FAM13C: variants seen among roughly 807,000 people sequenced by gnomAD.
FAM13C encodes the protein protein FAM13C.
FAM13C carries 37 observed loss-of-function variants against 73.2 expected under a neutral mutation model. That is an observed-to-expected ratio of 0.51 (90% confidence interval 0.39 to 0.67). The LOEUF (loss-of-function observed/expected upper bound fraction) is 0.67. Ranked by LOEUF, FAM13C falls within the 30% of genes least tolerant of loss-of-function variation. The pLI, the probability that FAM13C is intolerant of heterozygous loss-of-function variation, is 0.00. For missense variants in FAM13C, 589 were observed against 715.6 expected (o/e 0.82, Z 2.02); for synonymous variants, 246 against 260.9 (o/e 0.94, Z 0.55).
intron 7 of FAM13C, 102 bp downstream of exon 7, chr10:59,269,793 TAGGC>T: frequency 3.0e-6 from 4 of 1,329,320 alleles, no homozygotes; most frequent in Non-Finnish European, 4.2e-6. Context: ...GCAGTTGCGT[TAGGC>T]AGGCACATTT....
At position 59,334,507 on chromosome 10, in the gene FAM13C, C is replaced by A. The variant is rs7906698; in HGVS notation, c.325-10401G>T. ...ATAATAGCAAAGACTTGGAACCAAGCCAAATGTCCAACAATGATAGACTGG... is the reference window on the plus strand; with the variant it reads ...ATAATAGCAAAGACTTGGAACCAAGACAAATGTCCAACAATGATAGACTGG... On this transcript the variant is annotated intron_variant, in intron 3 of 13. Transcript: ENST00000618804. Among the ~76,000 whole-genome samples, 601 of 152,170 alleles carry A rather than the reference C, an allele frequency of 3.9e-3. 3 individuals carry two copies. The highest frequency in any genetic ancestry group is 0.014 in the African/African-American group (573 of 41,500).
intron 13 of FAM13C, among the ~76,000 whole-genome samples, chr10:59,250,940 G>A (rs965489280): frequency 4.6e-5 from 7 of 152,080 alleles, no homozygotes; most frequent in African/African-American, 1.7e-4. Context: ...TTCCAAATTA[G>A]ATCAATAACC....
chr10:59,310,456 A>G (rs1303017911), intron 4 of FAM13C, among the ~76,000 whole-genome samples: 3 of 152,178 alleles, frequency 2.0e-5, no homozygotes, highest in African/African-American at 7.2e-5. Context: ...AGTAAATAGA[A>G]AGTTCCTTTC....
At chr10:59,251,720 T>C (rs376575075) in intron 12 of FAM13C, 44 bp from the exon 13 acceptor site, 1,031 of 1,404,938 alleles carry the variant, frequency 7.3e-4, no homozygotes, top group Non-Finnish European at 8.7e-4. Context: ...ACTGGCATAA[T>C]TGAGAGATCA....
chr10:59,264,216 G>T, intron 8 of FAM13C, 50 bp from the exon 9 acceptor site: 1 of 1,224,576 alleles, frequency 8.2e-7, no homozygotes, highest in South Asian at 1.2e-5. Flanking sequence ...AGGAGGGAGA[G>T]GGTGGGGGAG....
chr10:59,336,846 A>G (rs577228228), intron 3 of FAM13C, among the ~76,000 whole-genome samples: 11 of 152,326 alleles, frequency 7.2e-5, no homozygotes, highest in Non-Finnish European at 1.2e-4. Flanking sequence ...AAAACTCATT[A>G]GGATGGAATC....
chr10:59,314,074 C>A (rs1404717851), intron 4 of FAM13C, among the ~76,000 whole-genome samples: 1 of 152,046 alleles, frequency 6.6e-6, no homozygotes, highest in Non-Finnish European at 1.5e-5. Context: ...CTACAGAGAT[C>A]AACATGGGCT....
intron 5 of FAM13C, among the ~76,000 whole-genome samples, chr10:59,288,679 T>G (rs1845871081): frequency 6.6e-6 from 1 of 152,022 alleles, no homozygotes. Context: ...GCAAATGGAA[T>G]AGGAGACAAA....
intron 3 of FAM13C, chr10:59,327,565 A>ACCC (rs1435457896): frequency 9.7e-6 from 1 of 103,420 alleles, no homozygotes; most frequent in Admixed American, 9.6e-5. Flanking sequence ...TTTTGTCCCC[A>ACCC]CCCCCCCACC....
Position 59,262,438 on chromosome 10 carries a change from G to A in FAM13C, c.1232C>T (p.Ser411Phe). The A allele has an allele frequency of 1.2e-6, 2 of 1,612,832 alleles. No individual in the cohort carries two copies. The highest frequency in any genetic ancestry group is 1.7e-6 in the Non-Finnish European group (2 of 1,179,030). ...TAACAAGACATGGTGATGTACCTTA[G>A]AATCCTCCTGGGGAGGAAGTTGCTC... The part of the protein sequence containing the change: ...RREQLPPQED[S>F]KVTKQDKNLI... Residue 411 changes from serine to phenylalanine, a missense_variant, in exon 10 of 14, where the codon TCT becomes TTT. Physicochemically the swap from Ser to Phe is radical, Grantham distance 155. Transcript: ENST00000618804.
intron 6 of FAM13C, among the ~76,000 whole-genome samples, chr10:59,275,676 G>A (rs1844248630): frequency 6.6e-6 from 1 of 152,116 alleles, no homozygotes; most frequent in African/African-American, 2.4e-5. Flanking sequence ...AAAAGCCCGG[G>A]CTCTGGAGTC....
intron 3 of FAM13C, among the ~76,000 whole-genome samples, chr10:59,339,514 T>A (rs1429987829): frequency 6.6e-6 from 1 of 152,178 alleles, no homozygotes; most frequent in Non-Finnish European, 1.5e-5. Context: ...CTGTCTAGCT[T>A]CCATTCTCCC....
At chr10:59,294,420 C>T (rs1846655347) in intron 5 of FAM13C, among the ~76,000 whole-genome samples, 1 of 152,176 alleles carries the variant, frequency 6.6e-6, no homozygotes. Flanking sequence ...GTCAACTAGG[C>T]AAGTCCTGCC....
intron 5 of FAM13C, among the ~76,000 whole-genome samples, chr10:59,287,312 G>A (rs1178833241): frequency 9.1e-6 from 1 of 110,354 alleles, no homozygotes; most frequent in Non-Finnish European, 1.7e-5. Context: ...ACTCTAGCCT[G>A]GGTGACAGAG....
chr10:59,358,923 G>T (rs1374924153), intron 1 of FAM13C, among the ~76,000 whole-genome samples: 2 of 152,126 alleles, frequency 1.3e-5, no homozygotes, highest in African/African-American at 4.8e-5. Context: ...TGGCTTACAT[G>T]GCACATGTTT....
At chr10:59,360,357 G>C in intron 1 of FAM13C, among the ~76,000 whole-genome samples, 1 of 152,152 alleles carries the variant, frequency 6.6e-6, no homozygotes, top group East Asian at 1.9e-4. Context: ...AAGTGGGTGT[G>C]AGTAGAAGGA....
intron 13 of FAM13C, among the ~76,000 whole-genome samples, chr10:59,248,204 G>A (rs1200247472): frequency 1.3e-5 from 2 of 152,064 alleles, no homozygotes; most frequent in Non-Finnish European, 2.9e-5. Context: ...AACAAGAAAA[G>A]CATTTAGGGT....
intron 3 of FAM13C, among the ~76,000 whole-genome samples, chr10:59,342,662 A>T (rs543694613): frequency 6.6e-6 from 1 of 152,328 alleles, no homozygotes; most frequent in East Asian, 1.9e-4. Context: ...CCCATATTTT[A>T]TCTGGCAACT....
At chr10:59,320,737 T>C (rs1180640537) in intron 4 of FAM13C, among the ~76,000 whole-genome samples, 1 of 152,192 alleles carries the variant, frequency 6.6e-6, no homozygotes, top group Non-Finnish European at 1.5e-5. Context: ...GTTTGCCTTA[T>C]TTGAACATGG....
Sources: gnomAD v4.1 joint callset for allele counts (sites outside exome capture counted in the v4.1 genomes callset) on GRCh38, gnomAD v4.1.1 for gene constraint, MANE v1.5 for transcripts, NCBI Gene and HGNC (gene_info 2026-07-23, HGNC 2026-07-21) for gene names.